The following WDR33 variants were observed in gnomAD, a reference collection of about 807,000 sequenced individuals.
WDR33 encodes the protein pre-mRNA 3' end processing protein WDR33.
In WDR33, 47 loss-of-function variants were observed where a neutral mutation model predicts 164.9. The observed-to-expected ratio is 0.29, with a 90% CI of 0.23 to 0.36. WDR33 has a LOEUF of 0.36. Among genes scored for constraint, WDR33 ranks in the 10% least tolerant of loss-of-function variants. The pLI is 1.00. For synonymous variants in WDR33, 505 were observed against 589.0 expected, an observed-to-expected ratio of 0.86 and a Z score of 2.06; for missense variants, 1,137 against 1,754.1, an observed-to-expected ratio of 0.65 and a Z score of 6.28.
intron 4 of WDR33, among the ~76,000 whole-genome samples, chr2:127,766,300 T>C (rs1309679545): frequency 1.3e-5 from 2 of 152,264 alleles, no homozygotes; most frequent in Non-Finnish European, 2.9e-5. Context: ...TATGTGCTTA[T>C]AGAAACAGTA....
intron 7 of WDR33, among the ~76,000 whole-genome samples, chr2:127,730,630 A>C (rs1257776864): frequency 1.3e-5 from 2 of 151,692 alleles, no homozygotes; most frequent in Admixed American, 1.3e-4. Flanking sequence ...AATAATGTGA[A>C]CTAAAAAGCA....
rs931387702 is a variant in WDR33, at chr2:127,738,993, A to C, written c.725-12216T>G. ...AAATAAAAGACACACAAGAACCTTA[A>C]AAATTTTTGCCCACAGACCTCAGAA... is the stretch of plus-strand genomic sequence containing the variant. On this transcript the variant is annotated intron_variant, in intron 7 of 21. Transcript: ENST00000322313. The surrounding 1 kb of genome is among the most constrained non-coding windows in gnomAD (Gnocchi z 4.4). 2.6e-5 allele frequency among the ~76,000 whole-genome samples: 4 copies of C among 152,248 alleles called. No homozygotes were observed. The highest frequency in any genetic ancestry group is 9.6e-5 in the African/African-American group (4 of 41,468).
rs550228177 is a variant in WDR33, at chr2:127,712,332, G to A, written c.3308+1251C>T. On this transcript the variant is annotated intron_variant, in intron 18 of 21. Transcript: ENST00000322313. The surrounding 1 kb of genome is among the most constrained non-coding windows in gnomAD (Gnocchi z 4.0). ...AATCACTTGAACCTGGAAGGTGGAG[G>A]CTGCAGTGAGCCGAGATCGTGCCAC... Among the ~76,000 whole-genome samples the A allele has an allele frequency of 1.3e-5, 2 of 152,032 alleles. No individual in the cohort carries two copies. The highest frequency in any genetic ancestry group is 1.3e-4 in the Admixed American group (2 of 15,296).
intron 7 of WDR33, among the ~76,000 whole-genome samples, chr2:127,756,990 T>C (rs1464919613): frequency 1.3e-5 from 2 of 151,848 alleles, no homozygotes; most frequent in Non-Finnish European, 2.9e-5. Flanking sequence ...GGTGGGAGAA[T>C]TGCTTGAACC....
intron 1 of WDR33, among the ~76,000 whole-genome samples, chr2:127,780,396 G>C (rs1333377603): frequency 6.6e-6 from 1 of 152,160 alleles, no homozygotes; most frequent in East Asian, 1.9e-4. Flanking sequence ...TACCCAATCT[G>C]TCATTGAACT....
chr2:127,761,302 A>C (rs1211544129), intron 7 of WDR33, among the ~76,000 whole-genome samples: 1 of 151,750 alleles, frequency 6.6e-6, no homozygotes, highest in African/African-American at 2.4e-5. Context: ...CTGGATTCAC[A>C]CCAGTCTCCT....
At position 127,764,339 on chromosome 2, in the gene WDR33, G is replaced by A. The variant is rs528254920; in HGVS notation, c.626+489C>T. The A allele has an allele frequency of 7.3e-7, 1 of 1,376,022 alleles. No individual in the cohort carries two copies. The highest frequency in any genetic ancestry group is 2.7e-5 in the East Asian group (1 of 36,380). 85.2% of individuals were successfully genotyped at this position (1,376,022 alleles called of 1,614,324 possible). A position where few individuals can be genotyped will look rare whatever the true frequency, so the allele number is the denominator to read the frequency against. Reference sequence around the variant, plus strand: ...TTTGCCACATCCAGTTATCTGTGAGGGTTTTAGTCCTATACTTTCCTTTGG... The same window carrying A: ...TTTGCCACATCCAGTTATCTGTGAGAGTTTTAGTCCTATACTTTCCTTTGG... On this transcript the variant is annotated intron_variant, in intron 6 of 21. Coordinates refer to ENST00000322313, the MANE Select transcript of WDR33 (RefSeq NM_018383.5). This position sits in a 1 kb window ranked among gnomAD's most constrained non-coding sequence, Gnocchi z 6.2.
In WDR33 at chr2:127,749,493, C is replaced by T. The variant is rs149420029; in HGVS notation, c.724+13569G>A. Among the ~76,000 whole-genome samples, 549 of 151,986 alleles carry T rather than the reference C, an allele frequency of 3.6e-3. 2 individuals carry two copies. Among genetic ancestry groups the T allele is most frequent in the African/African-American group, 0.013 (519 of 41,460 alleles). ...CCTGGCCAACATGGTGAAACCCCGT[C>T]TCTACTAAAAATACAAAAATTAGCT... is the stretch of plus-strand genomic sequence containing the variant. On this transcript the variant is annotated intron_variant, in intron 7 of 21. Transcript: ENST00000322313.
At position 127,764,788 on chromosome 2, in the gene WDR33, G is replaced by T; in HGVS notation, c.626+40C>A. The T allele has an allele frequency of 6.2e-7, 1 of 1,614,174 alleles. No homozygotes were observed. Among genetic ancestry groups the T allele is most frequent in the South Asian group, 1.1e-5 (1 of 91,084 alleles). ...TACACTTAGAGAATAATTTAACCAT[G>T]ACAATAGGGACTACAGAAAATGGTA... On this transcript the variant is annotated intron_variant, in intron 6 of 21. Coordinates refer to ENST00000322313, the MANE Select transcript of WDR33 (RefSeq NM_018383.5). The surrounding 1 kb of genome is among the most constrained non-coding windows in gnomAD (Gnocchi z 6.2).
In WDR33 at chr2:127,770,692, A is replaced by AAAAT. The variant is rs55641967; in HGVS notation, c.204+82_204+85dup. ...GGCAACAAGAAAGAAACTCCATCTC[A>AAAAT]AAATAAATAAATAAATAAATAAATA... On this transcript the variant is annotated intron_variant, in intron 2 of 21. Coordinates refer to ENST00000322313, the MANE Select transcript of WDR33 (RefSeq NM_018383.5). The surrounding 1 kb of genome is among the most constrained non-coding windows in gnomAD (Gnocchi z 4.9). The AAAAT allele has an allele frequency of 2.3e-3, 1,363 of 589,550 alleles. 7 individuals are homozygous for AAAAT. Among genetic ancestry groups the AAAAT allele is most frequent in the African/African-American group, 0.017 (829 of 48,780 alleles). 36.5% of individuals were successfully genotyped at this position (589,550 alleles called of 1,614,324 possible).
Position 127,722,283 on chromosome 2 carries a change from C to A in WDR33, c.1519-295G>T, listed in dbSNP as rs1686459573. 6.6e-6 allele frequency among the ~76,000 whole-genome samples: 1 copy of A among 152,170 alleles called. No individual in the cohort carries two copies. Among genetic ancestry groups the A allele is most frequent in the Admixed American group, 6.5e-5 (1 of 15,268 alleles). ...CTTTGTGTTGAGGGGACAATTAAAG[C>A]ACAAGATAGATAAACAATGGAGAAG... On this transcript the variant is annotated intron_variant, in intron 14 of 21. Transcript: ENST00000322313. The surrounding 1 kb of genome is among the most constrained non-coding windows in gnomAD (Gnocchi z 5.1).
Position 127,763,082 on chromosome 2 carries a change from T to C in WDR33, c.704A>G (p.His235Arg). Residue 235 changes from histidine to arginine, a missense_variant, in exon 7 of 22, where the codon CAT becomes CGT. Around this residue, in one of 9 missense-constraint regions of WDR33, gnomAD observed 83 missense variants for 189.2 expected, o/e 0.44. Transcript: ENST00000322313. The surrounding 1 kb of genome is among the most constrained non-coding windows in gnomAD (Gnocchi z 4.5). ...TVRIWDFLRCHEERILRGHGA... is the reference protein window; with the variant it reads ...TVRIWDFLRCREERILRGHGA... ...CGTACCTCGGAGAATTCTTTCCTCATGGCAACGAAGAAAGTCCCAGATTCT... is the reference window on the plus strand; with the variant it reads ...CGTACCTCGGAGAATTCTTTCCTCACGGCAACGAAGAAAGTCCCAGATTCT... 6.2e-7 allele frequency: 1 copy of C among 1,614,100 alleles called. No homozygotes were observed. The highest frequency in any genetic ancestry group is 8.5e-7 in the Non-Finnish European group (1 of 1,179,936).
chr2:127,722,572 T>C lies in WDR33; in HGVS notation c.1518+19A>G. The C allele has an allele frequency of 6.2e-7, 1 of 1,609,860 alleles. No homozygotes were observed. Among genetic ancestry groups the C allele is most frequent in the South Asian group, 1.1e-5 (1 of 89,824 alleles). ...CCAAAACCTCTCTGCGTGGATGAGGTGGAGTCACTTTTACTTACCTGCTGG... is the reference window on the plus strand; with the variant it reads ...CCAAAACCTCTCTGCGTGGATGAGGCGGAGTCACTTTTACTTACCTGCTGG... On this transcript the variant is annotated intron_variant, in intron 14 of 21. Transcript: ENST00000322313. The surrounding 1 kb of genome is among the most constrained non-coding windows in gnomAD (Gnocchi z 5.1).
Position 127,721,881 on chromosome 2 carries a change from C to T in WDR33, c.1626G>A (p.Glu542=), listed in dbSNP as rs557037460. 1.9e-6 allele frequency: 3 copies of T among 1,613,944 alleles called. No homozygotes were observed. In the African/African-American group the frequency reaches 4.0e-5, roughly 22 times the overall value. Residue 542 remains glutamate (E), a synonymous_variant, in exon 15 of 22, where the codon GAG becomes GAA. Coordinates refer to ENST00000322313, the MANE Select transcript of WDR33 (RefSeq NM_018383.5). The surrounding 1 kb of genome is among the most constrained non-coding windows in gnomAD (Gnocchi z 4.9). The part of the protein sequence containing the change: ...EEKKKTQAEI[E]QEMATLQYTN... ...TATATTGTAATGTAGCCATTTCTTG[C>T]TCAATTTCTGCTTGTGTTTTTTTCT...
At chr2:127,808,143 C>T (rs905655259) in intron 1 of WDR33, among the ~76,000 whole-genome samples, 1 of 152,000 alleles carries the variant, frequency 6.6e-6, no homozygotes, top group Non-Finnish European at 1.5e-5. Flanking sequence ...ATGTTTAAAA[C>T]TGAAAATGAT....
At chr2:127,715,072 TTTTC>T (rs927841252) in intron 17 of WDR33, among the ~76,000 whole-genome samples, 17 of 150,796 alleles carry the variant, frequency 1.1e-4, no homozygotes, top group African/African-American at 2.0e-4. Context: ...CTCTTCTTTC[TTTTC>T]TTTCTTTGTT....
Position 127,781,187 on chromosome 2 carries a change from G to A in WDR33, c.-23-10183C>T, listed in dbSNP as rs533296239. Among the ~76,000 whole-genome samples the A allele has an allele frequency of 3.9e-5, 6 of 152,192 alleles. 2 individuals are homozygous for A. The South Asian group carries it at 1.0e-3, about 26-fold the overall frequency. On this transcript the variant is annotated intron_variant, in intron 1 of 21. Transcript: ENST00000322313. ...CCCAATTAATAGCTTTTTAAAGTTC[G>A]AGATTCTATTATCTTGACTGTGGTA...
chr2:127,737,460 G>T, intron 7 of WDR33: 4 of 985,644 alleles, frequency 4.1e-6, no homozygotes, highest in Non-Finnish European at 4.8e-6. Context: ...AATATATACA[G>T]TCAAGAAAAG....
intron 7 of WDR33, among the ~76,000 whole-genome samples, chr2:127,756,258 C>T (rs1370876693): frequency 1.3e-5 from 2 of 150,692 alleles, no homozygotes; most frequent in African/African-American, 2.4e-5. Context: ...TGCTTGAACC[C>T]GGGAGGCAGA....
Sources: gnomAD v4.1 joint callset for allele counts (sites outside exome capture counted in the v4.1 genomes callset) on GRCh38, gnomAD v4.1.1 for gene constraint, gnomAD v4.1.1 regional missense constraint, Gnocchi (gnomAD v3.1) non-coding constraint, MANE v1.5 for transcripts, NCBI Gene and HGNC (gene_info 2026-07-23, HGNC 2026-07-21) for gene names.